The following RASSF2 variants were observed in gnomAD, a reference collection of about 807,000 sequenced individuals.
The protein encoded by RASSF2 is ras association domain-containing protein 2.
Under a neutral mutation model 46.3 loss-of-function variants are expected in RASSF2, and 34 were observed. The observed-to-expected ratio is 0.73, with a 90% confidence interval of 0.56 to 0.98. The LOEUF is 0.98. RASSF2 is among the 50% of genes least tolerant of loss of function. RASSF2 has a pLI of 0.00. For missense variants in RASSF2, 364 were observed against 431.2 expected (o/e 0.84, Z 1.38); for synonymous variants, 158 against 162.5 (o/e 0.97, Z 0.21).
At chr20:4,785,475 A>T (rs541107535) in intron 11 of RASSF2, among the ~76,000 whole-genome samples, 2 of 152,386 alleles carry the variant, frequency 1.3e-5, no homozygotes, top group East Asian at 3.9e-4. Context: ...AAAATGAATC[A>T]TTAATTCCAC....
At chr20:4,796,442 T>C (rs1199679683) in intron 4 of RASSF2, among the ~76,000 whole-genome samples, 1 of 152,208 alleles carries the variant, frequency 6.6e-6, no homozygotes, top group Non-Finnish European at 1.5e-5. Flanking sequence ...CCGAAGTTTA[T>C]TCTACAGAAC....
rs1924824822 is a variant in RASSF2 at position 4,781,561 on chromosome 20, A to G, written c.*2712T>C. 6.6e-6 allele frequency: 1 copy of G among 152,164 alleles called. No homozygotes were observed. The highest frequency in any genetic ancestry group is 1.5e-5 in the Non-Finnish European group (1 of 68,048). 9.4% of individuals were successfully genotyped at this position (152,164 alleles called of 1,614,324 possible). A position where few individuals can be genotyped will look rare whatever the true frequency, so the allele number is the denominator to read the frequency against. On this transcript the variant is annotated 3_prime_UTR_variant, in exon 12 of 12. Coordinates refer to ENST00000379400, the MANE Select transcript of RASSF2 (RefSeq NM_014737.3). ...CCCAAGATAATCCCCACCCCCTGCC[A>G]TTTAAGTCATCACCTTCCCTCTCAT...
intron 2 of RASSF2, among the ~76,000 whole-genome samples, chr20:4,813,316 G>A (rs924927014): frequency 3.3e-5 from 5 of 152,104 alleles, no homozygotes; most frequent in South Asian, 2.1e-4. Context: ...GTCAGCCTAC[G>A]AAGCCGCCAC....
At chr20:4,810,727 G>A (rs1420843401) in intron 2 of RASSF2, among the ~76,000 whole-genome samples, 1 of 152,136 alleles carries the variant, frequency 6.6e-6, no homozygotes, top group Non-Finnish European at 1.5e-5. Flanking sequence ...TGTAGAGCAG[G>A]GGCCAGGCCC....
At chr20:4,785,087 A>C (rs1458839467) in intron 11 of RASSF2, among the ~76,000 whole-genome samples, 2 of 150,024 alleles carry the variant, frequency 1.3e-5, no homozygotes, top group Non-Finnish European at 2.9e-5. Flanking sequence ...AGGAGGGTGG[A>C]TCACTTGAGG....
chr20:4,791,584 T>C (rs564838860), intron 6 of RASSF2, among the ~76,000 whole-genome samples: 1 of 152,368 alleles, frequency 6.6e-6, no homozygotes, highest in South Asian at 2.1e-4. Context: ...TATTAAAATA[T>C]ATTTAATCCA....
chr20:4,819,488 C>T (rs1485528680), intron 2 of RASSF2, among the ~76,000 whole-genome samples: 1 of 152,146 alleles, frequency 6.6e-6, no homozygotes, highest in East Asian at 1.9e-4. Flanking sequence ...TTCTTAGAGA[C>T]AGCACAGAAC....
chr20:4,792,394 G>T (rs1053099829), intron 6 of RASSF2, 145 bp downstream of exon 6: 2 of 1,497,010 alleles, frequency 1.3e-6, no homozygotes, highest in African/African-American at 1.4e-5. Flanking sequence ...GTGGGTGGAT[G>T]AGGTGGGTGA....
In RASSF2 at chr20:4,790,304, T is replaced by A. The variant is rs1000200779; in HGVS notation, c.537+147A>T. ...CAGCCCTCAGGAAGCCAGCAGGGCT[T>A]GCAGCCCACCCACAACCCAAAGACT... On this transcript the variant is annotated intron_variant, in intron 7 of 11. Transcript: ENST00000379400. This position sits in a 1 kb window ranked among gnomAD's most constrained non-coding sequence, Gnocchi z 4.3. 1 of 961,344 alleles carries A rather than the reference T, an allele frequency of 1.0e-6. No homozygotes were observed. Among genetic ancestry groups the A allele is most frequent in the Admixed American group, 4.1e-5 (1 of 24,636 alleles). 59.6% of individuals were successfully genotyped at this position (961,344 alleles called of 1,614,324 possible). A position where few individuals can be genotyped will look rare whatever the true frequency, so the allele number is the denominator to read the frequency against.
At chr20:4,788,000 T>C (rs1367632579) in intron 9 of RASSF2, among the ~76,000 whole-genome samples, 1 of 152,096 alleles carries the variant, frequency 6.6e-6, no homozygotes, top group African/African-American at 2.4e-5. Context: ...AAAATCTAGT[T>C]CCTCTTTTAA....
chr20:4,800,980 G>A lies in RASSF2; in HGVS notation c.51C>T (p.Tyr17=). 1 of 1,611,082 alleles carries A rather than the reference G, an allele frequency of 6.2e-7. No homozygotes were observed. The highest frequency in any genetic ancestry group is 8.5e-7 in the Non-Finnish European group (1 of 1,177,160). ...TSLVPCGQDK[Y]ISKNELLLHL... is the part of the protein sequence containing the mutation. ...CCAGCAAAACGTCTTACTTGGAAAT[G>A]TATTTATCTTGTCCACATGGGACTA... The change falls in exon 3 of 12, where the codon TAC becomes TAT. Residue 17 remains tyrosine (Y), a synonymous_variant. Coordinates refer to ENST00000379400, the MANE Select transcript of RASSF2 (RefSeq NM_014737.3).
rs548582873 is a variant in RASSF2, at chr20:4,807,670, A to G, written c.-32-6608T>C. ...TCAGCCACTCTCTACCTGTTGGGTG[A>G]TCTCACCAAGGCCATAGCTATAACT... is the stretch of plus-strand genomic sequence containing the variant. On this transcript the variant is annotated intron_variant, in intron 2 of 11. Transcript: ENST00000379400. Among the ~76,000 whole-genome samples the G allele has an allele frequency of 5.3e-5, 8 of 152,322 alleles. No individual in the cohort carries two copies. In the South Asian group the frequency reaches 1.7e-3, roughly 32 times the overall value.
rs573015570 is a variant in RASSF2 at position 4,820,061 on chromosome 20, A to G, written c.-33+2268T>C. 3.9e-5 allele frequency among the ~76,000 whole-genome samples: 6 copies of G among 152,338 alleles called. 1 individual carries two copies. Among genetic ancestry groups the G allele is most frequent in the African/African-American group, 1.4e-4 (6 of 41,574 alleles). ...CTGGCTGCATAGCCCAAGTCAGAGG[A>G]TGTGCCACCCTCCTTCCCTGGTGCC... On this transcript the variant is annotated intron_variant, in intron 2 of 11. Coordinates refer to ENST00000379400, the MANE Select transcript of RASSF2 (RefSeq NM_014737.3).
chr20:4,784,213 C>G lies in RASSF2; in HGVS notation c.*60G>C. The G allele has an allele frequency of 6.6e-7, 1 of 1,509,266 alleles. No homozygotes were observed. Among genetic ancestry groups the G allele is most frequent in the East Asian group, 2.3e-5 (1 of 44,344 alleles). 93.5% of individuals were successfully genotyped at this position (1,509,266 alleles called of 1,614,324 possible). ...CCATGGAAAGAAAGTGCCTAGCTTC[C>G]TGGGGGTCTTATGGGCAATGGCGGT... On this transcript the variant is annotated 3_prime_UTR_variant, in exon 12 of 12. Transcript: ENST00000379400.
chr20:4,792,593 G>A lies in RASSF2; in HGVS notation c.322C>T (p.Gln108Ter). The change falls in exon 6 of 12, where the codon CAG (glutamine) becomes TAG (stop). Residue 108 changes from glutamine to a stop codon, truncating the protein, a stop_gained. Coordinates refer to ENST00000379400, the MANE Select transcript of RASSF2 (RefSeq NM_014737.3). LOFTEE classifies it high-confidence loss of function. ...TLKPLTVPKVQISEVDAPPEG... is the reference protein window; with the variant it reads ...TLKPLTVPKV ...GGCGGGGCATCCACCTCTGAGATCT[G>A]AACTTTGGGCACAGTCAGGGGCTTC... is the stretch of plus-strand genomic sequence containing the variant. 6.2e-7 allele frequency: 1 copy of A among 1,614,084 alleles called. No individual in the cohort carries two copies. The highest frequency in any genetic ancestry group is 2.2e-5 in the East Asian group (1 of 44,870).
intron 5 of RASSF2, among the ~76,000 whole-genome samples, chr20:4,794,415 C>T (rs999012170): frequency 5.3e-5 from 8 of 151,976 alleles, no homozygotes; most frequent in Non-Finnish European, 1.0e-4. Flanking sequence ...CCAAAAAATA[C>T]AAAAATGGCT....
At chr20:4,788,609 G>T (rs1173450758) in intron 8 of RASSF2, among the ~76,000 whole-genome samples, 2 of 152,198 alleles carry the variant, frequency 1.3e-5, no homozygotes, top group Non-Finnish European at 2.9e-5. Flanking sequence ...TGCTCCTAGT[G>T]TACAAACCTA....
chr20:4,782,509 C>T lies in RASSF2; in HGVS notation c.*1764G>A, dbSNP rs41279432. The T allele has an allele frequency of 0.038, 5,773 of 152,724 alleles. 143 individuals are homozygous for T. The highest frequency in any genetic ancestry group is 0.11 in the Middle Eastern group (33 of 294). The allele number at this position is 152,724 out of a possible 1,614,324, so 9.5% of individuals were successfully genotyped here. A position where few individuals can be genotyped will look rare whatever the true frequency, so the allele number is the denominator to read the frequency against. Reference sequence around the variant, plus strand: ...CCTTCTGGGCTTCCACTCCATGCCCCACAGGGCTGGTGCTGCTGTCCCTAT... The same window carrying T: ...CCTTCTGGGCTTCCACTCCATGCCCTACAGGGCTGGTGCTGCTGTCCCTAT... On this transcript the variant is annotated 3_prime_UTR_variant, in exon 12 of 12. Coordinates refer to ENST00000379400, the MANE Select transcript of RASSF2 (RefSeq NM_014737.3).
chr20:4,803,500 C>T (rs1927066395), intron 2 of RASSF2, among the ~76,000 whole-genome samples: 1 of 152,154 alleles, frequency 6.6e-6, no homozygotes, highest in African/African-American at 2.4e-5. Flanking sequence ...ATGCCCGTGA[C>T]TGCAATACTT....
Sources: allele counts gnomAD v4.1 joint callset (sites outside exome capture counted in the v4.1 genomes callset), GRCh38; gene constraint gnomAD v4.1.1; non-coding constraint Gnocchi (gnomAD v3.1); transcripts MANE v1.5; gene names NCBI Gene and HGNC (gene_info 2026-07-23, HGNC 2026-07-21).